Variants in BABAM2 observed in about 807,000 individuals in gnomAD.
BABAM2 encodes BRISC and BRCA1 A complex member 2, also known as BRISC and BRCA1-A complex member 2.
A neutral mutation model predicts 54.7 loss-of-function variants in BABAM2; 31 were observed. That is an observed-to-expected ratio of 0.57 (90% CI 0.43 to 0.77). The LOEUF (loss-of-function observed/expected upper bound fraction) is 0.77. Ranked by LOEUF, BABAM2 falls within the 30% of genes least tolerant of loss-of-function variation. The pLI is 0.00. For synonymous variants in BABAM2, 167 were observed against 162.9 expected (o/e 1.03, Z -0.19); for missense variants, 364 against 455.8 (o/e 0.80, Z 1.83).
chr2:28,184,220 TTCTGTC>T (rs1384641373), intron 7 of BABAM2, among the ~76,000 whole-genome samples: 1 of 133,980 alleles, frequency 7.5e-6, no homozygotes, highest in Non-Finnish European at 1.6e-5. Context: ...ATGTCTGTCT[TTCTGTC>T]TCTGTCTCTG....
intron 6 of BABAM2, among the ~76,000 whole-genome samples, chr2:28,074,545 G>A (rs752686690): frequency 1.3e-5 from 2 of 152,162 alleles, no homozygotes; most frequent in Non-Finnish European, 2.9e-5. Context: ...AGCCTTTTAT[G>A]TGTTTGTATG....
intron 7 of BABAM2, among the ~76,000 whole-genome samples, chr2:28,140,068 C>T (rs903384360): frequency 1.3e-5 from 2 of 152,040 alleles, no homozygotes; most frequent in Non-Finnish European, 2.9e-5. Context: ...CTTTATCCAA[C>T]TCAATGCTTT....
chr2:28,265,019 A>G (rs1414009164), intron 10 of BABAM2, among the ~76,000 whole-genome samples: 1 of 152,186 alleles, frequency 6.6e-6, no homozygotes, highest in Admixed American at 6.5e-5. Flanking sequence ...TTCAATCCAC[A>G]TTTGACCCAA....
intron 6 of BABAM2, among the ~76,000 whole-genome samples, chr2:28,075,355 A>G (rs548062361): frequency 2.2e-4 from 33 of 152,282 alleles, no homozygotes; most frequent in African/African-American, 7.0e-4. Context: ...GCTCCTAACA[A>G]ATTAGTAATA....
chr2:28,279,746 A>G (rs1573988613), intron 10 of BABAM2, among the ~76,000 whole-genome samples: 1 of 138,030 alleles, frequency 7.2e-6, no homozygotes, highest in South Asian at 2.2e-4. Context: ...GCTCACCGCT[A>G]CCTCTGCCTC....
At chr2:28,319,270 A>G (rs1218275681) in intron 11 of BABAM2, among the ~76,000 whole-genome samples, 1 of 152,236 alleles carries the variant, frequency 6.6e-6, no homozygotes, top group Non-Finnish European at 1.5e-5. Context: ...CCTTTGTGCA[A>G]ACAAAGAAAA....
chr2:28,039,510 A>G (rs916234937), intron 5 of BABAM2, among the ~76,000 whole-genome samples: 12 of 152,242 alleles, frequency 7.9e-5, no homozygotes, highest in Non-Finnish European at 1.5e-4. Flanking sequence ...CCAGTTTGTC[A>G]CCCAGCTAAA....
chr2:27,954,819 A>G (rs951227025), intron 3 of BABAM2, among the ~76,000 whole-genome samples: 5 of 152,198 alleles, frequency 3.3e-5, no homozygotes, highest in African/African-American at 1.2e-4. Context: ...TTCCAGAAAT[A>G]TGACTCACTA....
chr2:27,902,470 A>G (rs944210915), intron 2 of BABAM2, among the ~76,000 whole-genome samples: 8 of 152,242 alleles, frequency 5.3e-5, no homozygotes, highest in Admixed American at 4.6e-4. Flanking sequence ...CTTCTATTTT[A>G]TTAGATATTG....
At chr2:28,310,081 G>A in intron 11 of BABAM2, 4 of 1,614,172 alleles carry the variant, frequency 2.5e-6, no homozygotes, top group Non-Finnish European at 3.4e-6. Context: ...TTTCCTTACA[G>A]AAGAGAGAGC....
intron 5 of BABAM2, among the ~76,000 whole-genome samples, chr2:28,042,632 G>C (rs771387229): frequency 6.6e-6 from 1 of 152,002 alleles, no homozygotes; most frequent in Non-Finnish European, 1.5e-5. Context: ...TGACTGGTGA[G>C]GGCTTAAGAG....
chr2:28,067,223 C>T (rs941900286), intron 6 of BABAM2, among the ~76,000 whole-genome samples: 5 of 152,218 alleles, frequency 3.3e-5, no homozygotes, highest in Non-Finnish European at 5.9e-5. Flanking sequence ...TGAGCCACTG[C>T]GCGTGGCCCT....
chr2:28,259,465 G>A (rs959300809), intron 10 of BABAM2, among the ~76,000 whole-genome samples: 2 of 152,106 alleles, frequency 1.3e-5, no homozygotes, highest in African/African-American at 4.8e-5. Context: ...GGGCTGTTAT[G>A]TTCTTACTTT....
At chr2:28,136,422 G>T (rs1268992796) in intron 7 of BABAM2, among the ~76,000 whole-genome samples, 1 of 152,246 alleles carries the variant, frequency 6.6e-6, no homozygotes, top group Non-Finnish European at 1.5e-5. Context: ...CTCTGGCCAG[G>T]CTGGCCCTAG....
intron 10 of BABAM2, among the ~76,000 whole-genome samples, chr2:28,276,458 C>T (rs114574084): frequency 0.02 from 3,063 of 152,280 alleles, 37 homozygotes; most frequent in Non-Finnish European, 0.029. Flanking sequence ...CTTTGTAACG[C>T]GCAGCCGTGG....
At chr2:28,249,867 A>G (rs1298499294) in intron 10 of BABAM2, among the ~76,000 whole-genome samples, 2 of 152,170 alleles carry the variant, frequency 1.3e-5, no homozygotes, top group Non-Finnish European at 2.9e-5. Flanking sequence ...CCTCGGGCTC[A>G]AGGGATCCAC....
At chr2:28,067,484 A>G (rs1663713046) in intron 6 of BABAM2, among the ~76,000 whole-genome samples, 1 of 152,156 alleles carries the variant, frequency 6.6e-6, no homozygotes, top group Non-Finnish European at 1.5e-5. Context: ...ATCTGTTGAA[A>G]TCTTACCCAT....
intron 6 of BABAM2, among the ~76,000 whole-genome samples, chr2:28,103,647 A>G (rs114607001): frequency 0.016 from 2,408 of 152,216 alleles, 37 homozygotes; most frequent in Non-Finnish European, 0.019. Flanking sequence ...GTTTTTATCG[A>G]GGAGTCAGTT....
Position 27,928,481 on chromosome 2 carries a change from T to C in BABAM2, c.129-1351T>C, listed in dbSNP as rs558472736. ...TGGTTCTTTTTCACATTCAAATCGT[T>C]TTGGGGAAAAGTAATAGTAAATCTT... is the stretch of plus-strand genomic sequence containing the variant. On this transcript the variant is annotated intron_variant, in intron 2 of 11. Coordinates refer to ENST00000379624, the MANE Select transcript of BABAM2 (RefSeq NM_199191.3). 2.9e-3 allele frequency among the ~76,000 whole-genome samples: 446 copies of C among 152,018 alleles called. 2 individuals carry two copies. Among genetic ancestry groups the C allele is most frequent in the African/African-American group, 0.01 (423 of 41,444 alleles).
Sources: gnomAD v4.1 joint callset for allele counts (sites outside exome capture counted in the v4.1 genomes callset) on GRCh38, gnomAD v4.1.1 for gene constraint, MANE v1.5 for transcripts, NCBI Gene and HGNC (gene_info 2026-07-23, HGNC 2026-07-21) for gene names.